PDZRN4: variants seen among roughly 807,000 people sequenced by gnomAD.
PDZRN4 encodes PDZ domain containing ring finger 4.
A neutral mutation model predicts 99.0 loss-of-function variants in PDZRN4; 70 were observed. The ratio of observed to expected loss-of-function variants is 0.71; its 90% confidence interval spans 0.58 to 0.86. The LOEUF is 0.86. Ranked by LOEUF, PDZRN4 falls within the 40% of genes least tolerant of loss-of-function variation. The pLI is 0.00. For synonymous variants in PDZRN4, 551 were observed against 501.6 expected (o/e 1.10, Z -1.32); for missense variants, 1,474 against 1,331.2 (o/e 1.11, Z -1.67).
intron 3 of PDZRN4, among the ~76,000 whole-genome samples, chr12:41,351,691 C>T (rs1019451143): frequency 1.3e-5 from 2 of 152,044 alleles, no homozygotes; most frequent in Non-Finnish European, 2.9e-5. Context: ...TCACCTCCCA[C>T]AAGGCCCCTC....
At chr12:41,271,500 GT>G (rs750254744) in intron 3 of PDZRN4, among the ~76,000 whole-genome samples, 2 of 152,018 alleles carry the variant, frequency 1.3e-5, no homozygotes, top group Non-Finnish European at 2.9e-5. Context: ...AGAATTTTTG[GT>G]CTAGTCTGTT....
chr12:41,338,267 A>G (rs535880970), intron 3 of PDZRN4, among the ~76,000 whole-genome samples: 1 of 152,280 alleles, frequency 6.6e-6, no homozygotes, highest in South Asian at 2.1e-4. Flanking sequence ...AAGTACAATT[A>G]ATTAATTCAT....
intron 3 of PDZRN4, among the ~76,000 whole-genome samples, chr12:41,437,506 C>T (rs1034780200): frequency 2.6e-4 from 40 of 151,998 alleles, no homozygotes; most frequent in African/African-American, 9.7e-4. Flanking sequence ...ATGGTATTGA[C>T]ACAAGTGAAT....
intron 6 of PDZRN4, 49 bp downstream of exon 6, chr12:41,552,803 C>A: frequency 7.1e-7 from 1 of 1,412,410 alleles, no homozygotes; most frequent in Non-Finnish European, 1.0e-6. Flanking sequence ...CTAGGAAGAA[C>A]AGAGCGAAAT....
chr12:41,377,135 G>T (rs558031729), intron 3 of PDZRN4, among the ~76,000 whole-genome samples: 1 of 152,128 alleles, frequency 6.6e-6, no homozygotes, highest in Admixed American at 6.5e-5. Context: ...CTACAGATTT[G>T]TAATACAGTT....
chr12:41,375,618 G>A (rs879533870), intron 3 of PDZRN4, among the ~76,000 whole-genome samples: 2 of 151,944 alleles, frequency 1.3e-5, no homozygotes, highest in Non-Finnish European at 2.9e-5. Flanking sequence ...CTTTATTGAG[G>A]TATAATTGAC....
At position 41,416,408 on chromosome 12, in the gene PDZRN4, G is replaced by C. The variant is rs1271369448; in HGVS notation, c.844-90048G>C. On this transcript the variant is annotated intron_variant, in intron 3 of 9. Transcript: ENST00000402685. ...ACCTGTAATCCCAGCACTTTGGAAGGCTGAGGCCGGTGGATCACCTGAGGT... is the reference window on the plus strand; with the variant it reads ...ACCTGTAATCCCAGCACTTTGGAAGCCTGAGGCCGGTGGATCACCTGAGGT... 3.9e-5 allele frequency among the ~76,000 whole-genome samples: 6 copies of C among 152,244 alleles called. No homozygotes were observed. The South Asian group carries it at 8.3e-4, about 21-fold the overall frequency.
intron 3 of PDZRN4, among the ~76,000 whole-genome samples, chr12:41,279,946 G>C (rs1830191): frequency 0.7 from 106,235 of 152,012 alleles, 38,120 homozygotes; most frequent in East Asian, 0.86. Context: ...AGGAACAGCT[G>C]TGGTCTGCAG....
In PDZRN4 at chr12:41,570,958, T is replaced by A. The variant is rs556401243; in HGVS notation, c.1585-1406T>A. On this transcript the variant is annotated intron_variant, in intron 9 of 9. Transcript: ENST00000402685. ...TTCTCTCCTCTTGATATTGTTACTTTTTATCCTGCCACTACTTTTGTGGAA... is the reference window on the plus strand; with the variant it reads ...TTCTCTCCTCTTGATATTGTTACTTATTATCCTGCCACTACTTTTGTGGAA... Among the ~76,000 whole-genome samples the A allele has an allele frequency of 4.3e-4, 65 of 152,282 alleles. No homozygotes were observed. In the South Asian group the frequency reaches 0.013, roughly 30 times the overall value.
chr12:41,391,006 G>A (rs746088828), intron 3 of PDZRN4, among the ~76,000 whole-genome samples: 2 of 152,082 alleles, frequency 1.3e-5, no homozygotes, highest in Admixed American at 6.5e-5. Context: ...TCAGCCTATG[G>A]CTGGACATGC....
intron 3 of PDZRN4, among the ~76,000 whole-genome samples, chr12:41,483,830 A>G (rs1186325791): frequency 6.6e-6 from 1 of 152,184 alleles, no homozygotes; most frequent in East Asian, 1.9e-4. Context: ...CCAATCAAGT[A>G]GAAATTCTCT....
intron 3 of PDZRN4, among the ~76,000 whole-genome samples, chr12:41,339,634 GAACA>G (rs35608224): frequency 0.48 from 73,005 of 151,446 alleles, 18,134 homozygotes; most frequent in Middle Eastern, 0.65. Flanking sequence ...TCAACAAAGT[GAACA>G]GACAACCCAT....
At chr12:41,552,535 C>T in intron 5 of PDZRN4, 121 bp from the exon 6 acceptor site, 1 of 607,888 alleles carries the variant, frequency 1.6e-6, no homozygotes, top group Non-Finnish European at 2.7e-6. Context: ...AGTTAATTTC[C>T]AATGTTGGGC....
intron 3 of PDZRN4, among the ~76,000 whole-genome samples, chr12:41,467,679 G>T (rs1346288875): frequency 6.6e-6 from 1 of 152,142 alleles, no homozygotes; most frequent in African/African-American, 2.4e-5. Flanking sequence ...ATATAAAACT[G>T]TGACACAGAG....
chr12:41,311,146 T>C (rs1951604103), intron 3 of PDZRN4, among the ~76,000 whole-genome samples: 1 of 152,194 alleles, frequency 6.6e-6, no homozygotes, highest in African/African-American at 2.4e-5. Flanking sequence ...ATAATTTTTC[T>C]CCAAAACTAA....
chr12:41,548,586 G>T (rs1033918539), intron 5 of PDZRN4, among the ~76,000 whole-genome samples: 3 of 152,172 alleles, frequency 2.0e-5, no homozygotes, highest in Non-Finnish European at 4.4e-5. Flanking sequence ...GAATAGTGCT[G>T]ACTGCATTTG....
chr12:41,565,875 T>C (rs1260122787), intron 8 of PDZRN4, among the ~76,000 whole-genome samples: 9 of 152,214 alleles, frequency 5.9e-5, no homozygotes, highest in Non-Finnish European at 1.0e-4. Context: ...ATGCCACATG[T>C]GGCCCCCTTT....
intron 3 of PDZRN4, among the ~76,000 whole-genome samples, chr12:41,476,822 G>T (rs911691638): frequency 6.6e-6 from 1 of 152,186 alleles, no homozygotes; most frequent in African/African-American, 2.4e-5. Flanking sequence ...GTGGAAGCTG[G>T]AAAGCAGTCC....
In PDZRN4 at chr12:41,194,086, T is replaced by G. The variant is rs754327301; in HGVS notation, c.741T>G (p.Asn247Lys). 6.9e-7 allele frequency: 1 copy of G among 1,439,722 alleles called. No homozygotes were observed. The highest frequency in any genetic ancestry group is 9.7e-7 in the Non-Finnish European group (1 of 1,035,170). The allele number at this position is 1,439,722 out of a possible 1,614,324, so 89.2% of individuals were successfully genotyped here. The change falls in exon 3 of 10, where the codon AAT becomes AAG. Residue 247 changes from asparagine (N) to lysine (K), a missense_variant. Physicochemically the swap from Asn to Lys is moderately conservative, Grantham distance 94 (BLOSUM62 0). Coordinates refer to ENST00000402685, the MANE Select transcript of PDZRN4 (RefSeq NM_001164595.2). ...TAATGATTTTTTAAAAATAGAATAA[T>G]CAGGAAGGAACATCGACTGAAGGAA... ...NIIGGRPNQN[N>K]QEGTSTEGIY... is the part of the protein sequence containing the mutation.
Sources: allele counts gnomAD v4.1 joint callset (sites outside exome capture counted in the v4.1 genomes callset), GRCh38; gene constraint gnomAD v4.1.1; transcripts MANE v1.5; gene names NCBI Gene and HGNC (gene_info 2026-07-23, HGNC 2026-07-21).